ST6GALNAC3: variants seen among roughly 807,000 people sequenced by gnomAD.
The protein encoded by ST6GALNAC3 is alpha-N-acetylgalactosaminide alpha-2,6-sialyltransferase 3.
A neutral mutation model predicts 32.7 loss-of-function variants in ST6GALNAC3; 25 were observed. The observed-to-expected ratio is 0.76, with a 90% CI of 0.56 to 1.07. ST6GALNAC3 has a LOEUF of 1.07. Ranked by LOEUF, ST6GALNAC3 falls within the 50% of genes least tolerant of loss-of-function variation. The pLI is 0.00. For synonymous variants in ST6GALNAC3, 129 were observed against 133.1 expected (o/e 0.97, Z 0.21); for missense variants, 355 against 382.4 (o/e 0.93, Z 0.60).
At chr1:76,100,170 A>T (rs1438793862) in intron 1 of ST6GALNAC3, among the ~76,000 whole-genome samples, 1 of 152,108 alleles carries the variant, frequency 6.6e-6, no homozygotes, top group African/African-American at 2.4e-5. Context: ...TACATCCACA[A>T]TCATATCATT....
At chr1:76,571,914 T>C (rs749839203) in intron 3 of ST6GALNAC3, among the ~76,000 whole-genome samples, 43 of 152,094 alleles carry the variant, frequency 2.8e-4, no homozygotes, top group South Asian at 1.0e-3. Context: ...AATTTTCCTG[T>C]GCTCTCTTAT....
chr1:76,243,338 A>G (rs1224559799), intron 1 of ST6GALNAC3, among the ~76,000 whole-genome samples: 1 of 151,994 alleles, frequency 6.6e-6, no homozygotes, highest in Admixed American at 6.6e-5. Context: ...AGTTCCTTGT[A>G]GATTCTGGAT....
At chr1:76,095,673 C>T (rs1311809979) in intron 1 of ST6GALNAC3, among the ~76,000 whole-genome samples, 1 of 152,138 alleles carries the variant, frequency 6.6e-6, no homozygotes, top group Non-Finnish European at 1.5e-5. Context: ...AGCAAGTGTT[C>T]TATAAATACT....
At chr1:76,503,507 TG>T (rs1661302429) in intron 3 of ST6GALNAC3, among the ~76,000 whole-genome samples, 1 of 152,236 alleles carries the variant, frequency 6.6e-6, no homozygotes, top group African/African-American at 2.4e-5. Flanking sequence ...AATCTGTTCC[TG>T]TCTTGCAGGA....
chr1:76,140,070 A>G (rs894374387), intron 1 of ST6GALNAC3, among the ~76,000 whole-genome samples: 12 of 152,278 alleles, frequency 7.9e-5, no homozygotes, highest in Middle Eastern at 3.4e-3. Context: ...TCACCGTGAA[A>G]TCTAGGTTCT....
chr1:76,507,964 G>A (rs573902440), intron 3 of ST6GALNAC3, among the ~76,000 whole-genome samples: 1 of 152,210 alleles, frequency 6.6e-6, no homozygotes, highest in Admixed American at 6.5e-5. Flanking sequence ...TTTTATTATA[G>A]CCATCCTAGT....
At chr1:76,335,919 T>C (rs2100975178) in intron 2 of ST6GALNAC3, among the ~76,000 whole-genome samples, 1 of 152,352 alleles carries the variant, frequency 6.6e-6, no homozygotes, top group East Asian at 1.9e-4. Context: ...AAAATTGTTT[T>C]CCTCTTCTTG....
intron 1 of ST6GALNAC3, among the ~76,000 whole-genome samples, chr1:76,162,485 C>T (rs951052766): frequency 6.6e-5 from 10 of 152,108 alleles, no homozygotes; most frequent in South Asian, 2.1e-4. Flanking sequence ...TTGCAGGACG[C>T]GGGTGAGTTA....
intron 1 of ST6GALNAC3, among the ~76,000 whole-genome samples, chr1:76,273,262 A>G (rs1178693549): frequency 6.6e-6 from 1 of 152,180 alleles, no homozygotes; most frequent in Non-Finnish European, 1.5e-5. Flanking sequence ...AAGGAAATTT[A>G]ACCAATATTT....
chr1:76,088,989 A>G (rs1647002548), intron 1 of ST6GALNAC3, among the ~76,000 whole-genome samples: 1 of 152,144 alleles, frequency 6.6e-6, no homozygotes, highest in African/African-American at 2.4e-5. Context: ...GATTCTGTCA[A>G]GGAGTGTAGA....
chr1:76,469,622 A>C (rs1038576542), intron 3 of ST6GALNAC3, among the ~76,000 whole-genome samples: 2 of 152,090 alleles, frequency 1.3e-5, no homozygotes, highest in African/African-American at 4.8e-5. Context: ...AATGAATAAC[A>C]CCAGGAGGCT....
intron 1 of ST6GALNAC3, among the ~76,000 whole-genome samples, chr1:76,268,524 C>G (rs1271580281): frequency 1.3e-5 from 2 of 152,136 alleles, no homozygotes; most frequent in Non-Finnish European, 2.9e-5. Flanking sequence ...GTCGGTCAAG[C>G]CATGCACGAG....
chr1:76,120,386 A>G (rs1648793788), intron 1 of ST6GALNAC3, among the ~76,000 whole-genome samples: 1 of 152,094 alleles, frequency 6.6e-6, no homozygotes, highest in African/African-American at 2.4e-5. Context: ...GTTTGTGGGG[A>G]CAAAAGACTT....
At chr1:76,406,021 G>A (rs920684535) in intron 2 of ST6GALNAC3, among the ~76,000 whole-genome samples, 4 of 152,044 alleles carry the variant, frequency 2.6e-5, no homozygotes, top group Admixed American at 1.3e-4. Flanking sequence ...ACATTCTTCA[G>A]TATTTTTCAG....
intron 3 of ST6GALNAC3, among the ~76,000 whole-genome samples, chr1:76,596,042 G>C (rs1647131584): frequency 6.6e-6 from 1 of 152,068 alleles, no homozygotes; most frequent in Non-Finnish European, 1.5e-5. Flanking sequence ...AGCTCCCCAG[G>C]TGACTATAAT....
Position 76,214,545 on chromosome 1 carries a change from G to T in ST6GALNAC3, c.19-99260G>T, listed in dbSNP as rs527839366. On this transcript the variant is annotated intron_variant, in intron 1 of 4. Transcript: ENST00000328299. ...TTAAGGGAAGCTGTGATAATTAGAA[G>T]CCACCAAGCATTCACTAAAATTAAG... is the stretch of plus-strand genomic sequence containing the variant. Among the ~76,000 whole-genome samples the T allele has an allele frequency of 6.4e-4, 98 of 152,228 alleles. 2 individuals carry two copies. Among genetic ancestry groups the T allele is most frequent in the African/African-American group, 2.1e-3 (88 of 41,550 alleles).
intron 2 of ST6GALNAC3, among the ~76,000 whole-genome samples, chr1:76,352,386 A>G (rs1649053337): frequency 6.8e-6 from 1 of 147,624 alleles, no homozygotes; most frequent in Non-Finnish European, 1.5e-5. Context: ...TATTGAGAAT[A>G]TTATTGGGCT....
chr1:76,566,510 T>C (rs1438325220), intron 3 of ST6GALNAC3, among the ~76,000 whole-genome samples: 1 of 152,032 alleles, frequency 6.6e-6, no homozygotes, highest in Admixed American at 6.6e-5. Flanking sequence ...CCAACCACAC[T>C]GCCTCTTTCT....
intron 2 of ST6GALNAC3, among the ~76,000 whole-genome samples, chr1:76,388,229 C>A (rs146338927): frequency 1.3e-5 from 2 of 152,112 alleles, no homozygotes; most frequent in Admixed American, 6.5e-5. Flanking sequence ...AGTCTTTGGA[C>A]GGTCAGCTAT....
Sources: gnomAD v4.1 joint callset for allele counts (sites outside exome capture counted in the v4.1 genomes callset) on GRCh38, gnomAD v4.1.1 for gene constraint, MANE v1.5 for transcripts, NCBI Gene and HGNC (gene_info 2026-07-23, HGNC 2026-07-21) for gene names.